Variants in PDE4D observed in about 807,000 individuals in gnomAD.
The protein encoded by PDE4D is phosphodiesterase 4D, also known as 3',5'-cyclic-AMP phosphodiesterase 4D.
Under a neutral mutation model 87.4 loss-of-function variants are expected in PDE4D, and 24 were observed. That is an observed-to-expected ratio of 0.27 (90% CI 0.20 to 0.39). The LOEUF is 0.39. Among genes scored for constraint, PDE4D ranks in the 10% least tolerant of loss-of-function variants. The pLI is 1.00. For synonymous variants in PDE4D, 384 were observed against 383.2 expected, an observed-to-expected ratio of 1.00 and a Z score of -0.02; for missense variants, 714 against 1,041.0, an observed-to-expected ratio of 0.69 and a Z score of 4.32.
chr5:59,181,329 A>AT (rs1741488835), intron 4 of PDE4D, among the ~76,000 whole-genome samples: 1 of 151,666 alleles, frequency 6.6e-6, no homozygotes, highest in Non-Finnish European at 1.5e-5. Flanking sequence ...AAAAAAAAAA[A>AT]GCATGCTGTC....
At chr5:59,623,946 T>A (rs1271932328) in intron 1 of PDE4D, among the ~76,000 whole-genome samples, 1 of 152,248 alleles carries the variant, frequency 6.6e-6, no homozygotes, top group Non-Finnish European at 1.5e-5. Context: ...TATATGCTAC[T>A]CTAAGCAGTT....
intron 3 of PDE4D, among the ~76,000 whole-genome samples, chr5:59,970,947 G>T (rs1027670936): frequency 4.0e-5 from 6 of 150,370 alleles, no homozygotes; most frequent in Non-Finnish European, 7.4e-5. Context: ...GCAAAGACTT[G>T]GAACCAACCC....
At chr5:59,977,306 T>C (rs1026755333) in intron 3 of PDE4D, among the ~76,000 whole-genome samples, 1 of 152,202 alleles carries the variant, frequency 6.6e-6, no homozygotes, top group Non-Finnish European at 1.5e-5. Flanking sequence ...ATTGATAATG[T>C]GGAGAAAACT....
intron 1 of PDE4D, among the ~76,000 whole-genome samples, chr5:59,310,375 A>T (rs761996362): frequency 6.6e-6 from 1 of 151,778 alleles, no homozygotes; most frequent in Non-Finnish European, 1.5e-5. Flanking sequence ...TATTGGGAAG[A>T]CTCTGTCTCC....
intron 1 of PDE4D, among the ~76,000 whole-genome samples, chr5:59,366,452 A>G (rs551209744): frequency 3.3e-5 from 5 of 152,338 alleles, no homozygotes; most frequent in African/African-American, 1.2e-4. Flanking sequence ...TTAATTGATA[A>G]AAGCTATCAA....
intron 1 of PDE4D, among the ~76,000 whole-genome samples, chr5:59,528,696 A>G (rs1420053707): frequency 1.3e-5 from 2 of 152,150 alleles, no homozygotes; most frequent in African/African-American, 4.8e-5. Flanking sequence ...AGGTTATGAG[A>G]TAGGAGCTAG....
At chr5:60,478,027 C>T (rs1223448147) in intron 1 of PDE4D, among the ~76,000 whole-genome samples, 1 of 152,126 alleles carries the variant, frequency 6.6e-6, no homozygotes, top group East Asian at 1.9e-4. Flanking sequence ...TGTTTTGGAA[C>T]TGTTTGTTAC....
In PDE4D at chr5:60,108,736, C is replaced by T. The variant is rs575261353; in HGVS notation, c.42+76821G>A. On this transcript the variant is annotated intron_variant, in intron 2 of 16. Transcript: ENST00000502484. Reference sequence around the variant, plus strand: ...CTACAACTATCTGATCTTTGACAAACCTGAGAAAAACAAGCAATGGGGAAA... The same window carrying T: ...CTACAACTATCTGATCTTTGACAAATCTGAGAAAAACAAGCAATGGGGAAA... 3.4e-3 allele frequency among the ~76,000 whole-genome samples: 512 copies of T among 152,114 alleles called. 3 individuals carry two copies. Among genetic ancestry groups the T allele is most frequent in the Non-Finnish European group, 6.1e-3 (418 of 67,990 alleles).
chr5:59,935,191 G>C (rs1399761729), intron 3 of PDE4D, among the ~76,000 whole-genome samples: 1 of 152,110 alleles, frequency 6.6e-6, no homozygotes, highest in African/African-American at 2.4e-5. Flanking sequence ...GAAGTGTATA[G>C]AGAGCTGAAT....
intron 1 of PDE4D, among the ~76,000 whole-genome samples, chr5:59,845,407 AG>A (rs1743687559): frequency 6.6e-6 from 1 of 152,096 alleles, no homozygotes; most frequent in Admixed American, 6.6e-5. Flanking sequence ...TTCCATGAAC[AG>A]CAATCACAGA....
intron 1 of PDE4D, among the ~76,000 whole-genome samples, chr5:59,405,048 T>C (rs923191861): frequency 3.3e-5 from 5 of 152,058 alleles, no homozygotes; most frequent in East Asian, 3.9e-4. Context: ...TTGCTCAGTA[T>C]AGCTTTGAGT....
At chr5:60,213,078 A>C (rs985164481) in intron 1 of PDE4D, among the ~76,000 whole-genome samples, 1 of 152,134 alleles carries the variant, frequency 6.6e-6, no homozygotes, top group African/African-American at 2.4e-5. Flanking sequence ...ATATATGATG[A>C]ATTGGTCCTC....
chr5:59,318,725 T>C (rs1441339335), intron 1 of PDE4D, among the ~76,000 whole-genome samples: 5 of 151,922 alleles, frequency 3.3e-5, no homozygotes, highest in Non-Finnish European at 7.4e-5. Context: ...ATAGGCAAGA[T>C]TTTTTTTAAC....
intron 1 of PDE4D, among the ~76,000 whole-genome samples, chr5:60,382,270 G>A (rs1761913213): frequency 6.6e-6 from 1 of 152,094 alleles, no homozygotes; most frequent in Non-Finnish European, 1.5e-5. Context: ...GCTACTTCAT[G>A]TATCTATGTG....
chr5:60,045,136 T>C (rs1000575528), intron 2 of PDE4D, among the ~76,000 whole-genome samples: 30 of 152,126 alleles, frequency 2.0e-4, no homozygotes, highest in Admixed American at 3.9e-4. Context: ...CATTTTTTCA[T>C]GTGTTTTTTG....
intron 1 of PDE4D, among the ~76,000 whole-genome samples, chr5:59,544,927 A>T (rs942799643): frequency 2.0e-5 from 3 of 152,142 alleles, no homozygotes; most frequent in Non-Finnish European, 4.4e-5. Context: ...ATTTTCTAGC[A>T]CTCACTACAT....
rs112948763 is a variant in PDE4D, at chr5:60,454,267, A to T, written c.-90+33675T>A. 2.1e-3 allele frequency among the ~76,000 whole-genome samples: 324 copies of T among 152,258 alleles called. 2 individuals are homozygous for T. The highest frequency in any genetic ancestry group is 7.5e-3 in the African/African-American group (312 of 41,556). ...GATTCCTCAAGGATCTAGAACCTGA[A>T]ATACCATTTGACCCAGCAATCCCAT... is the stretch of plus-strand genomic sequence containing the variant. On this transcript the variant is annotated intron_variant, in intron 1 of 16. Coordinates refer to the PDE4D transcript ENST00000502484.
chr5:59,491,181 C>G (rs1443209701), intron 1 of PDE4D, among the ~76,000 whole-genome samples: 3 of 152,112 alleles, frequency 2.0e-5, no homozygotes, highest in Non-Finnish European at 2.9e-5. Flanking sequence ...GCACTTTTCT[C>G]TATGTTTAAA....
At chr5:58,983,706 C>T (rs955175943) in intron 11 of PDE4D, among the ~76,000 whole-genome samples, 2 of 152,228 alleles carry the variant, frequency 1.3e-5, no homozygotes, top group Non-Finnish European at 2.9e-5. Context: ...ATTAAATCTG[C>T]TGGATCATGT....
Sources: allele counts gnomAD v4.1 joint callset (sites outside exome capture counted in the v4.1 genomes callset), GRCh38; gene constraint gnomAD v4.1.1; transcripts MANE v1.5; gene names NCBI Gene and HGNC (gene_info 2026-07-23, HGNC 2026-07-21).